AKAP6: variants seen among roughly 807,000 people sequenced by gnomAD.
The protein encoded by AKAP6 is A-kinase anchor protein 6.
AKAP6 carries 58 observed loss-of-function variants against 188.5 expected under a neutral mutation model. The ratio of observed to expected loss-of-function variants is 0.31; its 90% CI spans 0.25 to 0.38. The LOEUF (loss-of-function observed/expected upper bound fraction) is 0.38, where lower values mean the gene tolerates loss of function less well. AKAP6 is among the 10% of genes least tolerant of loss of function. The pLI is 1.00. For missense variants in AKAP6, 2,710 were observed against 2,740.0 expected (o/e 0.99, Z 0.24); for synonymous variants, 989 against 998.6 (o/e 0.99, Z 0.18).
At chr14:32,800,981 C>T (rs953236676) in intron 12 of AKAP6, among the ~76,000 whole-genome samples, 7 of 152,120 alleles carry the variant, frequency 4.6e-5, no homozygotes, top group Admixed American at 2.0e-4. Context: ...TGTACCACTA[C>T]GTGCCAGCCT....
intron 12 of AKAP6, among the ~76,000 whole-genome samples, chr14:32,811,607 G>T (rs373486731): frequency 6.6e-6 from 1 of 152,168 alleles, no homozygotes; most frequent in Non-Finnish European, 1.5e-5. Context: ...GCCCTCTCAC[G>T]TATGGGATCT....
intron 1 of AKAP6, among the ~76,000 whole-genome samples, chr14:32,348,420 T>TC (rs1887146167): frequency 7.6e-6 from 1 of 131,096 alleles, no homozygotes; most frequent in South Asian, 2.2e-4. Flanking sequence ...TTTGTTTCTT[T>TC]TTTTTTTTTT....
At chr14:32,330,599 C>T (rs1021108276) in intron 1 of AKAP6, among the ~76,000 whole-genome samples, 5 of 150,762 alleles carry the variant, frequency 3.3e-5, no homozygotes, top group Non-Finnish European at 5.9e-5. Flanking sequence ...CTCAAAAAGT[C>T]TTACACGAAA....
At chr14:32,445,988 T>C (rs1435354918) in intron 2 of AKAP6, among the ~76,000 whole-genome samples, 2 of 152,206 alleles carry the variant, frequency 1.3e-5, no homozygotes, top group African/African-American at 4.8e-5. Flanking sequence ...GGACATTTTG[T>C]ATTTAGGAAT....
At chr14:32,625,265 G>A (rs1248945248) in intron 7 of AKAP6, among the ~76,000 whole-genome samples, 1 of 152,034 alleles carries the variant, frequency 6.6e-6, no homozygotes, top group African/African-American at 2.4e-5. Flanking sequence ...CATACGTTAA[G>A]CTCAATTACA....
chr14:32,426,677 G>T (rs956936965), intron 1 of AKAP6, among the ~76,000 whole-genome samples: 2 of 152,158 alleles, frequency 1.3e-5, no homozygotes, highest in African/African-American at 4.8e-5. Context: ...CTGAGTCCAG[G>T]TCCACATATT....
chr14:32,433,781 C>A lies in AKAP6; in HGVS notation c.288C>A (p.Asp96Glu). The A allele has an allele frequency of 6.2e-7, 1 of 1,614,012 alleles. No individual in the cohort carries two copies. The highest frequency in any genetic ancestry group is 1.1e-5 in the South Asian group (1 of 91,078). Residue 96 changes from aspartate (D) to glutamate (E), a missense_variant, in exon 2 of 14, where the codon GAC (aspartate) becomes GAA (glutamate). This residue lies in a region of AKAP6 where 237 missense variants were observed against 313.9 expected (regional missense o/e 0.76). Transcript: ENST00000280979. ...DLTYSVQQDS[D>E]SKHVDVHLVQ... ...CCTATTCAGTCCAGCAGGATTCGGA[C>A]AGCAAGCATGTGGATGTACATCTAG...
In AKAP6 at chr14:32,823,028, A is replaced by G; in HGVS notation, c.5215A>G (p.Asn1739Asp). ...ESDVNVSMIV[N>D]VSCTSACTDD... Reference sequence around the variant, plus strand: ...CGATGTCAATGTCAGCATGATTGTTAATGTCTCTTGCACCTCTGCTTGCAC... The same window carrying G: ...CGATGTCAATGTCAGCATGATTGTTGATGTCTCTTGCACCTCTGCTTGCAC... Residue 1739 changes from asparagine to aspartate, a missense_variant, in exon 13 of 14, where the codon AAT (asparagine) becomes GAT (aspartate). This residue lies in a region of AKAP6 where 2,473 missense variants were observed against 2,426.1 expected (regional missense o/e 1.02). Coordinates refer to ENST00000280979, the MANE Select transcript of AKAP6 (RefSeq NM_004274.5). 1 of 1,613,846 alleles carries G rather than the reference A, an allele frequency of 6.2e-7. No homozygotes were observed. Among genetic ancestry groups the G allele is most frequent in the Non-Finnish European group, 8.5e-7 (1 of 1,179,882 alleles).
chr14:32,731,482 C>A (rs2031173822), intron 9 of AKAP6, among the ~76,000 whole-genome samples: 1 of 151,990 alleles, frequency 6.6e-6, no homozygotes, highest in Non-Finnish European at 1.5e-5. Flanking sequence ...TCATGTAGGG[C>A]AAAAGAACAA....
intron 1 of AKAP6, among the ~76,000 whole-genome samples, chr14:32,347,865 C>T (rs1250613381): frequency 6.6e-6 from 1 of 152,230 alleles, no homozygotes; most frequent in Non-Finnish European, 1.5e-5. Flanking sequence ...TCCTGTAATT[C>T]TTCCTGAGGG....
intron 12 of AKAP6, among the ~76,000 whole-genome samples, chr14:32,800,549 T>G (rs1042414956): frequency 6.6e-6 from 1 of 152,198 alleles, no homozygotes; most frequent in Non-Finnish European, 1.5e-5. Context: ...CTTAGAGAAT[T>G]GACTCATATA....
intron 2 of AKAP6, among the ~76,000 whole-genome samples, chr14:32,496,625 G>A (rs74782788): frequency 0.046 from 7,029 of 151,774 alleles, 505 homozygotes; most frequent in African/African-American, 0.16. Flanking sequence ...GTATATTAAT[G>A]TCACTAATAT....
intron 9 of AKAP6, among the ~76,000 whole-genome samples, chr14:32,723,904 G>T (rs1191331912): frequency 6.6e-6 from 1 of 152,124 alleles, no homozygotes; most frequent in Non-Finnish European, 1.5e-5. Flanking sequence ...CATCTGCCTG[G>T]TAGTGAGGTG....
chr14:32,770,280 A>T (rs145129661), intron 11 of AKAP6, among the ~76,000 whole-genome samples: 54 of 152,342 alleles, frequency 3.5e-4, no homozygotes, highest in African/African-American at 1.3e-3. Context: ...CCATTCTAAC[A>T]GATTTAACCT....
chr14:32,812,280 A>G (rs1182257705), intron 12 of AKAP6, among the ~76,000 whole-genome samples: 1 of 152,206 alleles, frequency 6.6e-6, no homozygotes, highest in African/African-American at 2.4e-5. Context: ...TTACAACTTC[A>G]TTGATGTTAT....
intron 11 of AKAP6, 96 bp from the exon 12 acceptor site, chr14:32,773,582 C>A: frequency 8.7e-7 from 1 of 1,154,870 alleles, no homozygotes; most frequent in Non-Finnish European, 1.2e-6. Flanking sequence ...CTGAGTGTAT[C>A]ACTACAATTT....
In AKAP6 at chr14:32,346,422, A is replaced by G. The variant is rs562254766; in HGVS notation, c.-35+17014A>G. Among the ~76,000 whole-genome samples, 8 of 152,370 alleles carry G rather than the reference A, an allele frequency of 5.3e-5. No individual in the cohort carries two copies. In the South Asian group the frequency reaches 1.0e-3, roughly 20 times the overall value. On this transcript the variant is annotated intron_variant, in intron 1 of 13. Transcript: ENST00000280979. The stretch of plus-strand genomic sequence containing the variant: ...TTCTGAGACAGTATGTTTGTATTGC[A>G]TTTTAGAATTTACCAAGCACTTTCA...
intron 7 of AKAP6, among the ~76,000 whole-genome samples, chr14:32,649,373 T>C (rs755970834): frequency 6.3e-4 from 96 of 152,208 alleles, no homozygotes; most frequent in Non-Finnish European, 7.2e-4. Context: ...AAAATCCTTT[T>C]AGACTGTTTA....
At chr14:32,435,879 C>T (rs1243234397) in intron 2 of AKAP6, among the ~76,000 whole-genome samples, 6 of 152,348 alleles carry the variant, frequency 3.9e-5, no homozygotes, top group South Asian at 4.1e-4. Flanking sequence ...GCTTAATCTA[C>T]TTAGTTAAGT....
Sources: allele counts gnomAD v4.1 joint callset (sites outside exome capture counted in the v4.1 genomes callset), GRCh38; gene constraint gnomAD v4.1.1; regional missense constraint gnomAD v4.1.1; transcripts MANE v1.5; gene names NCBI Gene and HGNC (gene_info 2026-07-23, HGNC 2026-07-21).